The following MALRD1 variants were observed in gnomAD, a reference collection of about 807,000 sequenced individuals.
MALRD1 encodes MAM and LDL receptor class A domain containing 1.
In MALRD1, 247 loss-of-function variants were observed where a neutral mutation model predicts 242.1. The ratio of observed to expected loss-of-function variants is 1.02; its 90% CI spans 0.92 to 1.13. The LOEUF is 1.13. MALRD1 is among the 50% of genes most tolerant of loss of function. MALRD1 has a pLI of 0.00. For missense variants in MALRD1, 2,989 were observed against 2,533.1 expected, an observed-to-expected ratio of 1.18 and a Z score of -3.86; for synonymous variants, 995 against 866.6, an observed-to-expected ratio of 1.15 and a Z score of -2.60.
intron 33 of MALRD1, among the ~76,000 whole-genome samples, chr10:19,587,308 C>T (rs775458001): frequency 2.6e-5 from 4 of 152,206 alleles, no homozygotes; most frequent in Non-Finnish European, 5.9e-5. Flanking sequence ...GACAGTTACC[C>T]ATTTGTAACA....
chr10:19,203,976 CAACA>C lies in MALRD1; in HGVS notation c.2104+101_2104+104del, dbSNP rs145965621. 1,272 of 1,377,682 alleles carry C rather than the reference CAACA, an allele frequency of 9.2e-4. 19 individuals are homozygous for C. The East Asian group carries it at 0.023, about 24-fold the overall frequency. 85.3% of individuals were successfully genotyped at this position (1,377,682 alleles called of 1,614,324 possible). A position where few individuals can be genotyped will look rare whatever the true frequency, so the allele number is the denominator to read the frequency against. On this transcript the variant is annotated intron_variant, in intron 15 of 39. Coordinates refer to ENST00000454679, the MANE Select transcript of MALRD1 (RefSeq NM_001142308.3). ...AGCTAGTACGGTTCTGTGATAACTACAACAAACAGTCAGATAGTTGAATATTGTC... is the reference window on the plus strand; with the variant it reads ...AGCTAGTACGGTTCTGTGATAACTACAACAGTCAGATAGTTGAATATTGTC...
chr10:19,402,734 C>T (rs766208820), intron 28 of MALRD1, among the ~76,000 whole-genome samples: 5 of 152,098 alleles, frequency 3.3e-5, no homozygotes, highest in South Asian at 2.1e-4. Context: ...CTTCCATGCT[C>T]TTATTTGTGC....
At chr10:19,474,798 T>C (rs529533656) in intron 29 of MALRD1, among the ~76,000 whole-genome samples, 1 of 152,156 alleles carries the variant, frequency 6.6e-6, no homozygotes, top group Admixed American at 6.5e-5. Flanking sequence ...GTCAACTTTA[T>C]ATATTTTATT....
At chr10:19,727,252 T>G (rs1213348665) in intron 38 of MALRD1, among the ~76,000 whole-genome samples, 1 of 152,228 alleles carries the variant, frequency 6.6e-6, no homozygotes, top group Non-Finnish European at 1.5e-5. Flanking sequence ...CTCGAAGTCA[T>G]GTTTACTGGA....
intron 38 of MALRD1, among the ~76,000 whole-genome samples, chr10:19,697,158 A>G (rs1833417006): frequency 6.6e-6 from 1 of 151,996 alleles, no homozygotes; most frequent in Non-Finnish European, 1.5e-5. Context: ...AGAAAGAGAA[A>G]GAGAGAGAGA....
chr10:19,509,197 C>A (rs1833284766), intron 31 of MALRD1, among the ~76,000 whole-genome samples: 1 of 152,040 alleles, frequency 6.6e-6, no homozygotes, highest in Non-Finnish European at 1.5e-5. Context: ...ATAAATAATT[C>A]ATGAATTGGG....
At chr10:19,304,954 T>C (rs1842101728) in intron 21 of MALRD1, among the ~76,000 whole-genome samples, 1 of 151,704 alleles carries the variant, frequency 6.6e-6, no homozygotes, top group South Asian at 2.1e-4. Context: ...CATAGAACCC[T>C]TCCCTCATCA....
chr10:19,532,391 A>C (rs1296079936), intron 32 of MALRD1, among the ~76,000 whole-genome samples: 1 of 152,054 alleles, frequency 6.6e-6, no homozygotes, highest in Non-Finnish European at 1.5e-5. Context: ...AGTAGCTGGG[A>C]TCACAGGCAT....
chr10:19,385,078 A>T (rs748538391), intron 26 of MALRD1, among the ~76,000 whole-genome samples: 3 of 151,914 alleles, frequency 2.0e-5, no homozygotes, highest in Non-Finnish European at 2.9e-5. Context: ...TAATTTGCTG[A>T]TGTTAAACTA....
intron 28 of MALRD1, among the ~76,000 whole-genome samples, chr10:19,410,690 T>TG (rs1278344464): frequency 1.1e-4 from 16 of 150,994 alleles, no homozygotes; most frequent in Non-Finnish European, 2.2e-4. Flanking sequence ...TTTTTTTTTT[T>TG]TTTATCTTTA....
At chr10:19,497,449 A>G (rs149872224) in intron 30 of MALRD1, among the ~76,000 whole-genome samples, 1,622 of 149,402 alleles carry the variant, frequency 0.011, 24 homozygotes, top group Non-Finnish European at 0.012. Context: ...TTGTAGGGAT[A>G]AGATACAATA....
At chr10:19,153,486 C>G (rs1387449144) in intron 11 of MALRD1, among the ~76,000 whole-genome samples, 2 of 152,008 alleles carry the variant, frequency 1.3e-5, no homozygotes, top group Non-Finnish European at 2.9e-5. Context: ...AGGGCCAAGG[C>G]AGGAGGATTG....
intron 36 of MALRD1, among the ~76,000 whole-genome samples, chr10:19,628,528 G>A (rs1013645389): frequency 6.6e-6 from 1 of 151,958 alleles, no homozygotes; most frequent in Non-Finnish European, 1.5e-5. Flanking sequence ...TGTATATTAA[G>A]ATCCTATTTG....
At chr10:19,583,207 C>G (rs2131514968) in intron 33 of MALRD1, among the ~76,000 whole-genome samples, 1 of 148,206 alleles carries the variant, frequency 6.7e-6, no homozygotes, top group East Asian at 2.0e-4. Context: ...TAATTGAATA[C>G]CCTTTATTTC....
chr10:19,727,491 A>G (rs1216598801), intron 38 of MALRD1, among the ~76,000 whole-genome samples: 3 of 152,188 alleles, frequency 2.0e-5, no homozygotes, highest in Admixed American at 6.5e-5. Context: ...CACATTCAGA[A>G]TGCCACTTCG....
chr10:19,490,504 G>T (rs1837434019), intron 29 of MALRD1, among the ~76,000 whole-genome samples: 1 of 41,536 alleles, frequency 2.4e-5, no homozygotes, highest in African/African-American at 7.2e-5. Context: ...AGCCAAGTGG[G>T]GCGGGGGGGG....
chr10:19,186,496 T>C (rs1835743505), intron 14 of MALRD1, among the ~76,000 whole-genome samples: 1 of 152,242 alleles, frequency 6.6e-6, no homozygotes, highest in African/African-American at 2.4e-5. Context: ...ATAATCATGT[T>C]GTTAAATTAG....
chr10:19,640,337 C>T (rs1434399676), intron 36 of MALRD1, among the ~76,000 whole-genome samples: 1 of 151,248 alleles, frequency 6.6e-6, no homozygotes, highest in Non-Finnish European at 1.5e-5. Flanking sequence ...GGTCCACCCA[C>T]CTCGGCCTCC....
At chr10:19,678,558 G>A (rs1423172683) in intron 36 of MALRD1, among the ~76,000 whole-genome samples, 1 of 152,172 alleles carries the variant, frequency 6.6e-6, no homozygotes, top group East Asian at 1.9e-4. Context: ...TTCAGCTTAA[G>A]AAGCTTTTGG....
Sources: allele counts gnomAD v4.1 joint callset (sites outside exome capture counted in the v4.1 genomes callset), GRCh38; gene constraint gnomAD v4.1.1; transcripts MANE v1.5; gene names NCBI Gene and HGNC (gene_info 2026-07-23, HGNC 2026-07-21).